THRB: variants seen among roughly 807,000 people sequenced by gnomAD.
THRB encodes nuclear receptor subfamily 1 group A member 2.
Under a neutral mutation model 47.8 loss-of-function variants are expected in THRB, and 12 were observed. The observed-to-expected ratio is 0.25, with a 90% CI of 0.16 to 0.41. THRB has a LOEUF of 0.41. THRB is among the 10% of genes least tolerant of loss of function. The pLI is 1.00. For synonymous variants in THRB, 218 were observed against 212.2 expected, an observed-to-expected ratio of 1.03 and a Z score of -0.24; for missense variants, 348 against 589.2, an observed-to-expected ratio of 0.59 and a Z score of 4.24.
chr3:24,274,216 C>T (rs1455388343), intron 3 of THRB, among the ~76,000 whole-genome samples: 1 of 152,076 alleles, frequency 6.6e-6, no homozygotes, highest in Non-Finnish European at 1.5e-5. Flanking sequence ...ATATCACTAC[C>T]ATAAATGGAA....
intron 1 of THRB, among the ~76,000 whole-genome samples, chr3:24,366,152 C>A (rs1442903684): frequency 2.6e-5 from 4 of 152,138 alleles, no homozygotes; most frequent in African/African-American, 9.7e-5. Flanking sequence ...GACAATACTA[C>A]CCTACCCAGT....
chr3:24,256,975 T>G (rs538391175), intron 3 of THRB, among the ~76,000 whole-genome samples: 22 of 152,264 alleles, frequency 1.4e-4, no homozygotes, highest in African/African-American at 5.1e-4. Flanking sequence ...CCTTTTTTGT[T>G]TTTGCAGGAC....
At chr3:24,135,833 AT>A (rs1390727920) in intron 8 of THRB, among the ~76,000 whole-genome samples, 1,763 of 120,006 alleles carry the variant, frequency 0.015, 57 homozygotes, top group African/African-American at 0.05. Context: ...ATATATATAT[AT>A]ATATATATAT....
chr3:24,429,844 G>A lies in THRB; in HGVS notation c.-261+64808C>T, dbSNP rs538040357. Among the ~76,000 whole-genome samples, 37 of 152,106 alleles carry A rather than the reference G, an allele frequency of 2.4e-4. No homozygotes were observed. In the Middle Eastern group the frequency reaches 0.017, roughly 70 times the overall value. On this transcript the variant is annotated intron_variant, in intron 1 of 10. Coordinates refer to ENST00000646209, the MANE Select transcript of THRB (RefSeq NM_001354712.2). ...TGAAATTTACAGAAGAAACTATAAA[G>A]TACTGCACTGAATATCCAAAACTTA... is the stretch of plus-strand genomic sequence containing the variant.
intron 5 of THRB, among the ~76,000 whole-genome samples, chr3:24,182,016 A>G (rs2041959116): frequency 6.6e-6 from 1 of 152,154 alleles, no homozygotes; most frequent in African/African-American, 2.4e-5. Flanking sequence ...CCTGGCTAAC[A>G]CAGTGAAACC....
intron 3 of THRB, among the ~76,000 whole-genome samples, chr3:24,249,057 C>G (rs1330646827): frequency 6.6e-6 from 1 of 152,124 alleles, no homozygotes; most frequent in Non-Finnish European, 1.5e-5. Context: ...TGTGAAAGTG[C>G]AGTAGCAGAA....
chr3:24,290,404 G>T (rs57986631), intron 3 of THRB, among the ~76,000 whole-genome samples: 40,707 of 151,952 alleles, frequency 0.27, 5,767 homozygotes, highest in Admixed American at 0.39. Flanking sequence ...AATTAACACG[G>T]GAGACATCTT....
At chr3:24,345,928 T>C (rs1025806176) in intron 1 of THRB, among the ~76,000 whole-genome samples, 21 of 151,834 alleles carry the variant, frequency 1.4e-4, no homozygotes, top group Non-Finnish European at 1.5e-5. Context: ...CAATGAGACT[T>C]TAATAAAGCT....
intron 2 of THRB, among the ~76,000 whole-genome samples, chr3:24,322,789 A>T (rs1267385770): frequency 1.3e-5 from 2 of 152,196 alleles, no homozygotes; most frequent in Non-Finnish European, 2.9e-5. Flanking sequence ...TGGCTGATCA[A>T]TATATGAGAA....
chr3:24,322,731 A>T (rs2058564519), intron 2 of THRB, among the ~76,000 whole-genome samples: 1 of 152,184 alleles, frequency 6.6e-6, no homozygotes, highest in South Asian at 2.1e-4. Flanking sequence ...GTTCATCTAG[A>T]TCCTTCTACT....
intron 1 of THRB, among the ~76,000 whole-genome samples, chr3:24,419,028 C>T (rs190122844): frequency 6.6e-6 from 1 of 152,024 alleles, no homozygotes; most frequent in East Asian, 2.0e-4. Context: ...AAATCATGGG[C>T]ATTCTTGTCA....
chr3:24,361,379 C>G (rs1295984310), intron 1 of THRB, among the ~76,000 whole-genome samples: 4 of 152,018 alleles, frequency 2.6e-5, no homozygotes. Context: ...AATACACAGC[C>G]CAAAATAGAG....
intron 3 of THRB, among the ~76,000 whole-genome samples, chr3:24,291,360 T>G (rs1489667939): frequency 2.5e-4 from 38 of 152,332 alleles, no homozygotes. Flanking sequence ...CAAACTCCTC[T>G]TTGCTTTCAA....
At chr3:24,245,314 T>C (rs2049999894) in intron 3 of THRB, among the ~76,000 whole-genome samples, 1 of 152,194 alleles carries the variant, frequency 6.6e-6, no homozygotes, top group Non-Finnish European at 1.5e-5. Context: ...GCTAAGCCAT[T>C]CTGCATCCCA....
intron 1 of THRB, among the ~76,000 whole-genome samples, chr3:24,338,984 A>C (rs765088849): frequency 3.9e-5 from 6 of 152,222 alleles, no homozygotes; most frequent in Non-Finnish European, 7.3e-5. Context: ...CAAGGCAATT[A>C]AGAAGCTTAT....
chr3:24,291,618 TAAC>T (rs963800892), intron 3 of THRB, among the ~76,000 whole-genome samples: 2 of 152,190 alleles, frequency 1.3e-5, no homozygotes, highest in South Asian at 2.1e-4. Context: ...GTTTAGCAAA[TAAC>T]AATAAGAAAA....
chr3:24,266,851 A>G (rs2052712403), intron 3 of THRB, among the ~76,000 whole-genome samples: 1 of 152,160 alleles, frequency 6.6e-6, no homozygotes, highest in Admixed American at 6.6e-5. Flanking sequence ...ATGAAAAGAT[A>G]TAACATGAAC....
chr3:24,279,916 T>C (rs2054368056), intron 3 of THRB, among the ~76,000 whole-genome samples: 1 of 152,204 alleles, frequency 6.6e-6, no homozygotes, highest in Non-Finnish European at 1.5e-5. Flanking sequence ...TCTGCTTCAG[T>C]AGAATTAGTT....
intron 1 of THRB, among the ~76,000 whole-genome samples, chr3:24,390,729 T>A (rs1388279008): frequency 1.3e-5 from 2 of 151,110 alleles, no homozygotes; most frequent in Non-Finnish European, 2.9e-5. Flanking sequence ...ACAGCTGTTT[T>A]CTTTTTAGCC....
Sources: allele counts gnomAD v4.1 joint callset (sites outside exome capture counted in the v4.1 genomes callset), GRCh38; gene constraint gnomAD v4.1.1; transcripts MANE v1.5; gene names NCBI Gene and HGNC (gene_info 2026-07-23, HGNC 2026-07-21).